SLC9A4: variants seen among roughly 807,000 people sequenced by gnomAD.
SLC9A4 encodes the protein solute carrier family 9 member A4.
Under a neutral mutation model 67.4 loss-of-function variants are expected in SLC9A4, and 63 were observed. That is an observed-to-expected ratio of 0.93 (90% CI 0.76 to 1.15). The LOEUF (loss-of-function observed/expected upper bound fraction) is 1.15, where lower values mean the gene tolerates loss of function less well. Ranked by LOEUF, SLC9A4 falls within the 50% of genes most tolerant of loss-of-function variation. SLC9A4 has a pLI of 0.00. For synonymous variants in SLC9A4, 393 were observed against 367.2 expected, an observed-to-expected ratio of 1.07 and a Z score of -0.80; for missense variants, 1,089 against 987.7, an observed-to-expected ratio of 1.10 and a Z score of -1.38.
rs114739590 is a variant in SLC9A4 at position 102,531,651 on chromosome 2, C to T, written c.2039-679C>T. On this transcript the variant is annotated intron_variant, in intron 11 of 11. Transcript: ENST00000295269. ...TGTGAGATTCATAACTTTACTCACC[C>T]GAAAGGGCCGCTATGAGGATTCAAT... Among the ~76,000 whole-genome samples, 727 of 152,208 alleles carry T rather than the reference C, an allele frequency of 4.8e-3. 12 individuals are homozygous for T. Among genetic ancestry groups the T allele is most frequent in the African/African-American group, 0.017 (692 of 41,518 alleles).
chr2:102,531,627 G>A (rs1034151013), intron 11 of SLC9A4, among the ~76,000 whole-genome samples: 1 of 152,162 alleles, frequency 6.6e-6, no homozygotes, highest in Admixed American at 6.5e-5. Context: ...CACTTTACCT[G>A]TGAGATTCAT....
At chr2:102,493,716 T>A (rs1019581514) in intron 2 of SLC9A4, among the ~76,000 whole-genome samples, 1 of 151,944 alleles carries the variant, frequency 6.6e-6, no homozygotes, top group Non-Finnish European at 1.5e-5. Context: ...TTCCCTACTC[T>A]TAGTTTCTAT....
Position 102,519,929 on chromosome 2 carries a change from T to C in SLC9A4, c.1792T>C (p.Ser598Pro). Reference sequence around the variant, plus strand: ...GGAGTCCATAAGGGACATTCTGACATCCAACATGTACCAAGTTCGGCAAAG... The same window carrying C: ...GGAGTCCATAAGGGACATTCTGACACCCAACATGTACCAAGTTCGGCAAAG... The part of the protein sequence containing the change: ...DVESIRDILT[S>P]NMYQVRQRTL... Residue 598 changes from serine (S) to proline (P), a missense_variant, in exon 9 of 12, where the codon TCC becomes CCC. Physicochemically the swap from Ser to Pro is moderately conservative, Grantham distance 74. Transcript: ENST00000295269. 6.2e-7 allele frequency: 1 copy of C among 1,613,688 alleles called. No homozygotes were observed. Among genetic ancestry groups the C allele is most frequent in the Non-Finnish European group, 8.5e-7 (1 of 1,179,684 alleles).
rs1685234952 is a variant in SLC9A4 at position 102,514,498 on chromosome 2, T to G, written c.1721+247T>G. On this transcript the variant is annotated intron_variant, in intron 8 of 11. Coordinates refer to ENST00000295269, the MANE Select transcript of SLC9A4 (RefSeq NM_001011552.4). ...CCTTAGAGTTGTATGACATCTTTCT[T>G]TGGGAGGGAAGGGCAAGCGAATGTG... 2.0e-5 allele frequency among the ~76,000 whole-genome samples: 3 copies of G among 152,344 alleles called. No individual in the cohort carries two copies. In the South Asian group the frequency reaches 6.2e-4, roughly 32 times the overall value.
intron 8 of SLC9A4, among the ~76,000 whole-genome samples, chr2:102,515,109 A>T (rs1685249135): frequency 6.6e-6 from 1 of 152,146 alleles, no homozygotes; most frequent in Non-Finnish European, 1.5e-5. Context: ...AATTAATCAC[A>T]ACATATATTT....
At chr2:102,529,206 T>C (rs952260866) in intron 11 of SLC9A4, among the ~76,000 whole-genome samples, 4 of 152,240 alleles carry the variant, frequency 2.6e-5, no homozygotes, top group African/African-American at 9.6e-5. Context: ...ACTTCAGACT[T>C]GGAATGAACT....
chr2:102,527,814 CTT>C (rs758269682), intron 11 of SLC9A4, among the ~76,000 whole-genome samples: 1 of 152,094 alleles, frequency 6.6e-6, no homozygotes, highest in Non-Finnish European at 1.5e-5. Context: ...ATATGAATCT[CTT>C]TGATTTTTAG....
intron 11 of SLC9A4, among the ~76,000 whole-genome samples, chr2:102,530,296 T>C (rs1674752198): frequency 6.6e-6 from 1 of 152,140 alleles, no homozygotes; most frequent in South Asian, 2.1e-4. Flanking sequence ...TTAAGGCTTT[T>C]GGTCAGGTGG....
chr2:102,505,382 T>C lies in SLC9A4; in HGVS notation c.1109T>C (p.Met370Thr), dbSNP rs141406392. ...SVSETLIFIF[M>T]GVSTVGKNHE... ...AGCGAGACCTTGATCTTCATCTTCA[T>C]GGGTGTGTCCACTGTGGGCAAGAAT... Residue 370 changes from methionine to threonine, a missense_variant, in exon 4 of 12, where the codon ATG becomes ACG. Coordinates refer to ENST00000295269, the MANE Select transcript of SLC9A4 (RefSeq NM_001011552.4). The C allele has an allele frequency of 6.2e-7, 1 of 1,614,252 alleles. No homozygotes were observed. Among genetic ancestry groups the C allele is most frequent in the Admixed American group, 1.7e-5 (1 of 60,032 alleles).
rs577999993 is a variant in SLC9A4 at position 102,531,564 on chromosome 2, C to G, written c.2039-766C>G. Among the ~76,000 whole-genome samples the G allele has an allele frequency of 3.9e-5, 6 of 152,284 alleles. No homozygotes were observed. In the South Asian group the frequency reaches 1.0e-3, roughly 26 times the overall value. On this transcript the variant is annotated intron_variant, in intron 11 of 11. Coordinates refer to ENST00000295269, the MANE Select transcript of SLC9A4 (RefSeq NM_001011552.4). The stretch of plus-strand genomic sequence containing the variant: ...ATAGGCTCTGCTCAAACTCTGGTCC[C>G]ATATTCACCAGCTTATGATATTGAG...
intron 2 of SLC9A4, among the ~76,000 whole-genome samples, chr2:102,502,338 AGT>A (rs2104431668): frequency 6.6e-6 from 1 of 152,280 alleles, no homozygotes; most frequent in East Asian, 1.9e-4. Context: ...GAAAATTCAG[AGT>A]GTGTGTCACA....
rs1173086028 is a variant in SLC9A4, at chr2:102,505,381, A to G, written c.1108A>G (p.Met370Val). ...CAGCGAGACCTTGATCTTCATCTTC[A>G]TGGGTGTGTCCACTGTGGGCAAGAA... ...SVSETLIFIF[M>V]GVSTVGKNHE... is the part of the protein sequence containing the mutation. Residue 370 changes from methionine (M) to valine (V), a missense_variant, in exon 4 of 12, where the codon ATG (methionine) becomes GTG (valine). Met to Val is a conservative substitution (Grantham distance 21, BLOSUM62 1). Transcript: ENST00000295269. 7 of 1,614,126 alleles carry G rather than the reference A, an allele frequency of 4.3e-6. No individual in the cohort carries two copies. Among genetic ancestry groups the G allele is most frequent in the Non-Finnish European group, 5.9e-6 (7 of 1,180,052 alleles).
Position 102,505,442 on chromosome 2 carries a change from T to C in SLC9A4, c.1169T>C (p.Leu390Pro). ...AACTGGGCCTTCATCTGCTTCACCCTGGCCTTCTGCCAAATCTGGAGAGCC... is the reference window on the plus strand; with the variant it reads ...AACTGGGCCTTCATCTGCTTCACCCCGGCCTTCTGCCAAATCTGGAGAGCC... ...EWNWAFICFT[L>P]AFCQIWRAIS... Residue 390 changes from leucine to proline, a missense_variant, in exon 4 of 12, where the codon CTG becomes CCG. By Grantham distance (98) the Leu-to-Pro change is moderately conservative. Coordinates refer to ENST00000295269, the MANE Select transcript of SLC9A4 (RefSeq NM_001011552.4). The C allele has an allele frequency of 6.2e-7, 1 of 1,614,158 alleles. No individual in the cohort carries two copies. Among genetic ancestry groups the C allele is most frequent in the Non-Finnish European group, 8.5e-7 (1 of 1,180,024 alleles).
chr2:102,503,574 G>T lies in SLC9A4; in HGVS notation c.847G>T (p.Val283Phe), dbSNP rs146432895. 2 of 1,614,066 alleles carry T rather than the reference G, an allele frequency of 1.2e-6. No homozygotes were observed. Among genetic ancestry groups the T allele is most frequent in the Middle Eastern group, 1.6e-4 (1 of 6,062 alleles). Residue 283 changes from valine to phenylalanine, a missense_variant, in exon 3 of 12, where the codon GTT becomes TTT. Physicochemically the swap from Val to Phe is conservative, Grantham distance 50. Transcript: ENST00000295269. ...VGLGGVLFGI[V>F]FGFISAFITR... ...GCTTGGAGGGGTATTGTTTGGCATC[G>T]TTTTTGGATTTATTTCTGCATTTAT...
At chr2:102,487,178 G>GGTGTGTGTGTGTGT (rs55756786) in intron 2 of SLC9A4, among the ~76,000 whole-genome samples, 5,113 of 149,146 alleles carry the variant, frequency 0.034, 204 homozygotes, top group African/African-American at 0.091. Flanking sequence ...GCTCACAGCT[G>GGTGTGTGTGTGTGT]GTGTGTGTGT....
chr2:102,524,049 A>G (rs949312325), intron 9 of SLC9A4, among the ~76,000 whole-genome samples: 3 of 152,226 alleles, frequency 2.0e-5, no homozygotes, highest in African/African-American at 7.2e-5. Flanking sequence ...TGACTTCTCC[A>G]GGAAACTGTA....
At position 102,503,540 on chromosome 2, in the gene SLC9A4, C is replaced by A. The variant is rs762160178; in HGVS notation, c.813C>A (p.Ile271=). ...TTTTGGCTGGATGTGCCCGATTCAT[C>A]GTTGTGGGGCTTGGAGGGGTATTGT... The part of the protein sequence containing the change: ...VDILAGCARF[I]VVGLGGVLFG... The change falls in exon 3 of 12, where the codon ATC becomes ATA. Residue 271 remains isoleucine, a synonymous_variant. Transcript: ENST00000295269. 9 of 1,613,992 alleles carry A rather than the reference C, an allele frequency of 5.6e-6. No individual in the cohort carries two copies. The highest frequency in any genetic ancestry group is 1.6e-4 in the Middle Eastern group (1 of 6,084).
At chr2:102,505,847 ACTT>A in intron 4 of SLC9A4, 1 of 200,698 alleles carries the variant, frequency 5.0e-6, no homozygotes, top group Admixed American at 5.3e-5. Context: ...CTTGCTCTTC[ACTT>A]CTTTGCAGAT....
At chr2:102,517,645 G>A (rs1685301421) in intron 8 of SLC9A4, among the ~76,000 whole-genome samples, 1 of 152,026 alleles carries the variant, frequency 6.6e-6, no homozygotes, top group African/African-American at 2.4e-5. Context: ...GTAAGGTGAT[G>A]GATATCCCAA....
Sources: allele counts gnomAD v4.1 joint callset (sites outside exome capture counted in the v4.1 genomes callset), GRCh38; gene constraint gnomAD v4.1.1; transcripts MANE v1.5; gene names NCBI Gene and HGNC (gene_info 2026-07-23, HGNC 2026-07-21).